The following FRMD4B variants were observed in gnomAD, a reference collection of about 807,000 sequenced individuals.
The protein encoded by FRMD4B is FERM domain-containing protein 4B.
A neutral mutation model predicts 141.5 loss-of-function variants in FRMD4B; 74 were observed. That is an observed-to-expected ratio of 0.52 (90% confidence interval 0.43 to 0.63). The LOEUF (loss-of-function observed/expected upper bound fraction) is 0.63. FRMD4B is among the 30% of genes least tolerant of loss of function. The probability of loss-of-function intolerance (pLI) is 0.00; values close to 1 mark genes in which losing one functional copy is unlikely to be tolerated. For synonymous variants in FRMD4B, 506 were observed against 467.9 expected, an observed-to-expected ratio of 1.08 and a Z score of -1.05; for missense variants, 1,366 against 1,253.4, an observed-to-expected ratio of 1.09 and a Z score of -1.36.
At chr3:69,289,680 T>C (rs1026870243) in intron 4 of FRMD4B, among the ~76,000 whole-genome samples, 4 of 152,026 alleles carry the variant, frequency 2.6e-5, no homozygotes, top group Middle Eastern at 3.2e-3. Flanking sequence ...GCACCTGTAA[T>C]CTCAGCTACT....
At chr3:69,227,000 C>A (rs1473632472) in intron 7 of FRMD4B, among the ~76,000 whole-genome samples, 1 of 152,140 alleles carries the variant, frequency 6.6e-6, no homozygotes, top group Non-Finnish European at 1.5e-5. Context: ...CTCAAGCAAT[C>A]TTTATATCTA....
intron 1 of FRMD4B, among the ~76,000 whole-genome samples, chr3:69,440,882 T>G (rs1355476015): frequency 6.6e-6 from 1 of 152,240 alleles, no homozygotes; most frequent in Admixed American, 6.5e-5. Flanking sequence ...AGAACTACAA[T>G]GAATTTGTAA....
At chr3:69,225,477 C>G (rs1423797150) in intron 7 of FRMD4B, among the ~76,000 whole-genome samples, 6 of 133,054 alleles carry the variant, frequency 4.5e-5, no homozygotes, top group Admixed American at 3.6e-4. Flanking sequence ...AGATTGAGAC[C>G]ATCCTGGCTA....
chr3:69,410,967 G>C (rs74350217), intron 2 of FRMD4B, among the ~76,000 whole-genome samples: 1 of 151,690 alleles, frequency 6.6e-6, no homozygotes, highest in African/African-American at 2.4e-5. Context: ...ATAGAAGAGG[G>C]GCTGTAAGCC....
rs200495445 is a variant in FRMD4B at position 69,181,234 on chromosome 3, T to G, written c.2516A>C (p.Tyr839Ser). The stretch of plus-strand genomic sequence containing the variant: ...ATATCCATAGTGGGCTGAGGACCGG[T>G]AGGAAGGGTTGACACTATACTGTCC... ...TEGQYSVNPS[Y>S]RSSAHYGYER... The change falls in exon 21 of 23, where the codon TAC (tyrosine) becomes TCC (serine). Residue 839 changes from tyrosine (Y) to serine (S), a missense_variant. Physicochemically the swap from Tyr to Ser is moderately radical, Grantham distance 144. Transcript: ENST00000398540. The G allele has an allele frequency of 6.2e-7, 1 of 1,613,812 alleles. No homozygotes were observed. Among genetic ancestry groups the G allele is most frequent in the Non-Finnish European group, 8.5e-7 (1 of 1,179,762 alleles).
At chr3:69,195,878 A>G (rs1285725411) in intron 14 of FRMD4B, among the ~76,000 whole-genome samples, 1 of 152,200 alleles carries the variant, frequency 6.6e-6, no homozygotes, top group Non-Finnish European at 1.5e-5. Flanking sequence ...AGGGGAAGCT[A>G]CCACATTTGA....
chr3:69,315,356 G>C (rs375100796), intron 1 of FRMD4B, among the ~76,000 whole-genome samples: 2 of 151,832 alleles, frequency 1.3e-5, no homozygotes, highest in African/African-American at 4.8e-5. Context: ...TGTATTTTCA[G>C]ATATATATTT....
intron 1 of FRMD4B, among the ~76,000 whole-genome samples, chr3:69,377,424 T>A (rs576914633): frequency 6.6e-6 from 1 of 152,294 alleles, no homozygotes; most frequent in African/African-American, 2.4e-5. Flanking sequence ...ATCAAGGCAA[T>A]CTCACTCTTC....
chr3:69,326,028 A>T (rs1702178757), intron 1 of FRMD4B, among the ~76,000 whole-genome samples: 1 of 151,932 alleles, frequency 6.6e-6, no homozygotes, highest in African/African-American at 2.4e-5. Context: ...AGCTCACTGT[A>T]GCTTCAGCCT....
intron 7 of FRMD4B, among the ~76,000 whole-genome samples, chr3:69,226,589 T>C (rs1411575081): frequency 6.6e-6 from 1 of 152,208 alleles, no homozygotes; most frequent in African/African-American, 2.4e-5. Flanking sequence ...TTGTTATTTC[T>C]GGATCCAGGT....
chr3:69,243,031 C>A (rs1377049007), intron 7 of FRMD4B, among the ~76,000 whole-genome samples: 1 of 149,494 alleles, frequency 6.7e-6, no homozygotes, highest in Non-Finnish European at 1.5e-5. Context: ...TTTACAAACT[C>A]ATTTGTGGCT....
intron 1 of FRMD4B, among the ~76,000 whole-genome samples, chr3:69,500,692 C>A (rs1253418385): frequency 1.3e-5 from 2 of 151,950 alleles, no homozygotes; most frequent in Admixed American, 6.5e-5. Context: ...AAGGCCCCCC[C>A]ACCCCCCAAG....
intron 1 of FRMD4B, among the ~76,000 whole-genome samples, chr3:69,487,015 A>G (rs192751519): frequency 2.0e-5 from 3 of 152,338 alleles, no homozygotes; most frequent in Admixed American, 1.3e-4. Flanking sequence ...CTTTCTCTAC[A>G]CTTAAGATAA....
chr3:69,192,945 G>A (rs1006804124), intron 17 of FRMD4B, among the ~76,000 whole-genome samples: 2 of 151,662 alleles, frequency 1.3e-5, no homozygotes, highest in African/African-American at 4.8e-5. Context: ...AGCCTCCCCT[G>A]TGGCTGGGAC....
chr3:69,201,169 G>A (rs1467307559), intron 11 of FRMD4B, among the ~76,000 whole-genome samples: 1 of 152,092 alleles, frequency 6.6e-6, no homozygotes, highest in East Asian at 1.9e-4. Context: ...TCCCCTGCCT[G>A]AAATCTTAAA....
intron 1 of FRMD4B, among the ~76,000 whole-genome samples, chr3:69,531,921 G>A (rs1243698429): frequency 6.6e-6 from 1 of 152,212 alleles, no homozygotes; most frequent in Non-Finnish European, 1.5e-5. Context: ...CTTTCAGGCA[G>A]TAAAAGAGCA....
intron 1 of FRMD4B, among the ~76,000 whole-genome samples, chr3:69,342,418 C>G (rs935618039): frequency 3.9e-5 from 6 of 152,132 alleles, no homozygotes; most frequent in African/African-American, 1.4e-4. Flanking sequence ...TAATGAATAA[C>G]TGGTTTCTAT....
intron 1 of FRMD4B, among the ~76,000 whole-genome samples, chr3:69,355,664 A>AC (rs926259779): frequency 2.0e-5 from 3 of 152,144 alleles, no homozygotes; most frequent in African/African-American, 7.2e-5. Context: ...AGACCAAATT[A>AC]GGGGGGAGGC....
intron 18 of FRMD4B, 92 bp from the exon 19 acceptor site, chr3:69,188,009 G>A: frequency 2.9e-6 from 2 of 691,282 alleles, no homozygotes; most frequent in South Asian, 1.7e-5. Flanking sequence ...GAAATTAGAA[G>A]GTTTAGTGAA....
Sources: allele counts gnomAD v4.1 joint callset (sites outside exome capture counted in the v4.1 genomes callset), GRCh38; gene constraint gnomAD v4.1.1; transcripts MANE v1.5; gene names NCBI Gene and HGNC (gene_info 2026-07-23, HGNC 2026-07-21).